The following ATXN7 variants were observed in gnomAD, a reference collection of about 807,000 sequenced individuals.
ATXN7 encodes the protein ataxin-7.
Under a neutral mutation model 70.5 loss-of-function variants are expected in ATXN7, and 12 were observed. The ratio of observed to expected loss-of-function variants is 0.17; its 90% CI spans 0.11 to 0.28. The LOEUF is 0.28. Among genes scored for constraint, ATXN7 ranks in the 10% least tolerant of loss-of-function variants. ATXN7 has a pLI of 1.00. For synonymous variants in ATXN7, 498 were observed against 448.7 expected (o/e 1.11, Z -1.39); for missense variants, 1,256 against 1,131.7 (o/e 1.11, Z -1.58).
intron 12 of ATXN7, chr3:63,998,428 A>G (rs150364933): frequency 7.4e-4 from 726 of 985,186 alleles, no homozygotes; most frequent in Non-Finnish European, 8.1e-4. Flanking sequence ...GGTATAGCCT[A>G]TGTATCTGTG....
At chr3:63,990,613 C>A in intron 10 of ATXN7, 125 bp from the exon 11 acceptor site, 1 of 1,470,390 alleles carries the variant, frequency 6.8e-7, no homozygotes, top group Non-Finnish European at 9.4e-7. Flanking sequence ...TCATGCTTCA[C>A]AGCCTCCGGT....
chr3:63,968,544 C>A (rs1012000707), intron 5 of ATXN7: 1 of 152,138 alleles, frequency 6.6e-6, no homozygotes, highest in African/African-American at 2.4e-5. Flanking sequence ...TACTTCAATT[C>A]CACAGCAAAG....
intron 1 of ATXN7, among the ~76,000 whole-genome samples, chr3:63,874,454 A>G (rs1702689748): frequency 6.6e-6 from 1 of 152,250 alleles, no homozygotes; most frequent in South Asian, 2.1e-4. Context: ...TTCAAATGAT[A>G]AAATGCTGTG....
At chr3:63,953,770 T>C (rs980392819) in intron 5 of ATXN7, among the ~76,000 whole-genome samples, 1 of 151,546 alleles carries the variant, frequency 6.6e-6, no homozygotes, top group Admixed American at 6.6e-5. Context: ...CTTGCTTCAG[T>C]CTCCTGAGTA....
intron 5 of ATXN7, among the ~76,000 whole-genome samples, chr3:63,979,435 A>AG (rs2075448835): frequency 6.6e-6 from 1 of 151,926 alleles, no homozygotes; most frequent in Admixed American, 6.5e-5. Flanking sequence ...GGGTAGTGAC[A>AG]GGGAAAAAAA....
At chr3:63,892,267 C>G (rs533235176) in intron 1 of ATXN7, among the ~76,000 whole-genome samples, 2 of 152,050 alleles carry the variant, frequency 1.3e-5, no homozygotes, top group African/African-American at 4.8e-5. Context: ...TTTTGTAACC[C>G]CAGGCCAGTC....
At chr3:63,873,451 A>G (rs1702654452) in intron 1 of ATXN7, among the ~76,000 whole-genome samples, 1 of 152,126 alleles carries the variant, frequency 6.6e-6, no homozygotes, top group Admixed American at 6.5e-5. Flanking sequence ...TACTGAGAGT[A>G]TATCTTTCAG....
intron 4 of ATXN7, among the ~76,000 whole-genome samples, chr3:63,925,889 C>T (rs1704697564): frequency 6.6e-6 from 1 of 152,002 alleles, no homozygotes. Flanking sequence ...TTGTTGCAGC[C>T]TTGGCAGGTA....
At chr3:63,953,788 C>T (rs1282089383) in intron 5 of ATXN7, among the ~76,000 whole-genome samples, 2 of 151,776 alleles carry the variant, frequency 1.3e-5, no homozygotes, top group African/African-American at 4.8e-5. Flanking sequence ...GTAGCTGGGA[C>T]TACAGGCACC....
intron 1 of ATXN7, among the ~76,000 whole-genome samples, chr3:63,877,858 G>A (rs779721728): frequency 8.5e-5 from 13 of 152,088 alleles, no homozygotes; most frequent in Non-Finnish European, 1.8e-4. Flanking sequence ...CCTCAAATCC[G>A]GTCTCCTTGG....
In ATXN7 at chr3:63,988,268, C is replaced by G; in HGVS notation, c.1305C>G (p.Ser435=). The G allele has an allele frequency of 6.2e-7, 1 of 1,614,038 alleles. No homozygotes were observed. The highest frequency in any genetic ancestry group is 8.5e-7 in the Non-Finnish European group (1 of 1,180,018). ...PHQNPHGVIP[S]ESKPFVASKP... is the part of the protein sequence containing the mutation. Reference sequence around the variant, plus strand: ...AAAACCCTCACGGAGTGATTCCTTCCGAATCAAAGCCTTTTGTAGCTAGTA... The same window carrying G: ...AAAACCCTCACGGAGTGATTCCTTCGGAATCAAAGCCTTTTGTAGCTAGTA... Residue 435 remains serine, a synonymous_variant, in exon 9 of 13, where the codon TCC becomes TCG. Transcript: ENST00000674280.
chr3:63,892,659 T>C (rs1053450193), intron 1 of ATXN7, among the ~76,000 whole-genome samples: 12 of 152,224 alleles, frequency 7.9e-5, no homozygotes, highest in Non-Finnish European at 1.5e-4. Flanking sequence ...ACTGGCCTAA[T>C]TGCGGGTTCT....
In ATXN7 at chr3:63,999,497, G is replaced by A. The variant is rs749733097; in HGVS notation, c.*30G>A. ...TGAAAATAGCACGGGGAGGAATAATGCGGACACTTTTGAGGACAAGTTACA... is the reference window on the plus strand; with the variant it reads ...TGAAAATAGCACGGGGAGGAATAATACGGACACTTTTGAGGACAAGTTACA... On this transcript the variant is annotated 3_prime_UTR_variant, in exon 13 of 13. Coordinates refer to ENST00000674280, the MANE Select transcript of ATXN7 (RefSeq NM_001377405.1). 6.2e-7 allele frequency: 1 copy of A among 1,613,434 alleles called. No homozygotes were observed. The highest frequency in any genetic ancestry group is 8.5e-7 in the Non-Finnish European group (1 of 1,179,726).
In ATXN7 at chr3:63,916,397, C is replaced by T. The variant is rs369297870; in HGVS notation, c.394+3172C>T. Among the ~76,000 whole-genome samples the T allele has an allele frequency of 3.9e-5, 6 of 152,242 alleles. No individual in the cohort carries two copies. The East Asian group carries it at 9.7e-4, about 24-fold the overall frequency. On this transcript the variant is annotated intron_variant, in intron 4 of 12. Transcript: ENST00000674280. ...TTCTAGGGTAGGTGTTCACAGCTTC[C>T]CTTGGATTCTCAAAAGGATCATTTA...
intron 5 of ATXN7, among the ~76,000 whole-genome samples, chr3:63,973,364 G>T (rs908169734): frequency 6.6e-6 from 1 of 152,126 alleles, no homozygotes; most frequent in African/African-American, 2.4e-5. Context: ...TGTATTGGTT[G>T]GTGGGTCCAG....
chr3:63,944,684 T>C (rs901579188), intron 4 of ATXN7, among the ~76,000 whole-genome samples: 4 of 152,176 alleles, frequency 2.6e-5, no homozygotes, highest in Non-Finnish European at 5.9e-5. Context: ...AGACCAGACT[T>C]CTGTTAATTA....
At position 63,930,090 on chromosome 3, in the gene ATXN7, C is replaced by G. The variant is rs558232697; in HGVS notation, c.394+16865C>G. 5.6e-4 allele frequency among the ~76,000 whole-genome samples: 85 copies of G among 152,212 alleles called. 1 individual carries two copies. The highest frequency in any genetic ancestry group is 1.9e-3 in the African/African-American group (78 of 41,560). ...ACTAAATAGGACATAATTTTTTTAACATGAAAAATGGGTCTTAATATATAT... is the reference window on the plus strand; with the variant it reads ...ACTAAATAGGACATAATTTTTTTAAGATGAAAAATGGGTCTTAATATATAT... On this transcript the variant is annotated intron_variant, in intron 4 of 12. Coordinates refer to ENST00000674280, the MANE Select transcript of ATXN7 (RefSeq NM_001377405.1).
At chr3:63,878,393 T>C (rs1056636338) in intron 1 of ATXN7, 3 of 152,228 alleles carry the variant, frequency 2.0e-5, no homozygotes, top group African/African-American at 7.2e-5. Flanking sequence ...GCCAGCTGTC[T>C]TTCAAGAGCA....
intron 4 of ATXN7, among the ~76,000 whole-genome samples, chr3:63,918,906 GA>G (rs1312460962): frequency 1.3e-5 from 2 of 152,148 alleles, no homozygotes; most frequent in Admixed American, 1.3e-4. Context: ...CCACACTTAA[GA>G]AACACCTCCA....
Sources: gnomAD v4.1 joint callset for allele counts (sites outside exome capture counted in the v4.1 genomes callset) on GRCh38, gnomAD v4.1.1 for gene constraint, MANE v1.5 for transcripts, NCBI Gene and HGNC (gene_info 2026-07-23, HGNC 2026-07-21) for gene names.